The following LEFTY1 variants were observed in gnomAD, a reference collection of about 807,000 sequenced individuals.
LEFTY1 encodes left-right determination factor B.
LEFTY1 carries 18 observed loss-of-function variants against 22.6 expected under a neutral mutation model. That is an observed-to-expected ratio of 0.80 (90% CI 0.55 to 1.18). The LOEUF (loss-of-function observed/expected upper bound fraction) is 1.18. LEFTY1 is among the 50% of genes most tolerant of loss of function. The probability of loss-of-function intolerance (pLI) is 0.00; values close to 1 mark genes in which losing one functional copy is unlikely to be tolerated. For synonymous variants in LEFTY1, 201 were observed against 231.5 expected, an observed-to-expected ratio of 0.87 and a Z score of 1.20; for missense variants, 414 against 495.4, an observed-to-expected ratio of 0.84 and a Z score of 1.56.
Position 225,886,714 on chromosome 1 carries a change from C to T in LEFTY1, c.*13G>A, listed in dbSNP as rs746514621. 3 of 1,613,452 alleles carry T rather than the reference C, an allele frequency of 1.9e-6. No homozygotes were observed. The highest frequency in any genetic ancestry group is 2.5e-6 in the Non-Finnish European group (3 of 1,180,054). On this transcript the variant is annotated 3_prime_UTR_variant, in exon 4 of 4. Coordinates refer to ENST00000272134, the MANE Select transcript of LEFTY1 (RefSeq NM_020997.4). ...ACACACAAGTCAAGTCCCTCGATGG[C>T]TACACTAGGCGCCTATGGCTGGAGC...
intron 1 of LEFTY1, among the ~76,000 whole-genome samples, chr1:225,888,350 G>T (rs1420229061): frequency 4.0e-5 from 6 of 151,312 alleles, no homozygotes; most frequent in Non-Finnish European, 1.5e-5. Context: ...GCTGCAGGAG[G>T]ATTCAGGCCG....
rs754571502 is a variant in LEFTY1, at chr1:225,887,769, G to A, written c.497+17C>T. On this transcript the variant is annotated intron_variant, in intron 2 of 3. Coordinates refer to ENST00000272134, the MANE Select transcript of LEFTY1 (RefSeq NM_020997.4). Reference sequence around the variant, plus strand: ...GCAGCGCCCTCCCCCTACCCTGCGCGCCCCCGCGACCCCCACCTGGAGTCG... The same window carrying A: ...GCAGCGCCCTCCCCCTACCCTGCGCACCCCCGCGACCCCCACCTGGAGTCG... 6.5e-7 allele frequency: 1 copy of A among 1,546,156 alleles called. No individual in the cohort carries two copies. The highest frequency in any genetic ancestry group is 1.2e-5 in the South Asian group (1 of 84,986).
At chr1:225,887,220 C>A in intron 3 of LEFTY1, 130 bp from the exon 4 acceptor site, 1 of 1,468,282 alleles carries the variant, frequency 6.8e-7, no homozygotes, top group South Asian at 1.4e-5. Flanking sequence ...GGATGGACAG[C>A]TAGAAATAAC....
rs1413039343 is a variant in LEFTY1, at chr1:225,887,518, C to A, written c.618G>T (p.Glu206Asp). 8 of 1,611,704 alleles carry A rather than the reference C, an allele frequency of 5.0e-6. No individual in the cohort carries two copies. The highest frequency in any genetic ancestry group is 1.3e-5 in the African/African-American group (1 of 74,922). The change falls in exon 3 of 4, where the codon GAG becomes GAT. Residue 206 changes from glutamate (E) to aspartate (D), a missense_variant. By Grantham distance (45) the Glu-to-Asp change is conservative (BLOSUM62 2). This residue lies in a region of LEFTY1 where 398 missense variants were observed against 454.7 expected (regional missense o/e 0.88). Transcript: ENST00000272134. ...CGCCGGACGCCAGCGGGCCCAGATG[C>A]TCCCTCTGCACCGACACCTGTAGCA... Reference protein sequence around the residue: ...PLLLQVSVQREHLGPLASGAH... With the variant: ...PLLLQVSVQRDHLGPLASGAH...
Position 225,888,849 on chromosome 1 carries a change from G to T in LEFTY1, c.218C>A (p.Ser73Tyr). 1 of 1,613,326 alleles carries T rather than the reference G, an allele frequency of 6.2e-7. No individual in the cohort carries two copies. The highest frequency in any genetic ancestry group is 8.5e-7 in the Non-Finnish European group (1 of 1,179,816). ...ALLQRSHGDR[S>Y]RGKRFSQSFR... ...GCTCTGGCTGAACCTCTTTCCGCGGGAGCGGTCCCCGTGGCTGCGCTGCAG... is the reference window on the plus strand; with the variant it reads ...GCTCTGGCTGAACCTCTTTCCGCGGTAGCGGTCCCCGTGGCTGCGCTGCAG... Residue 73 changes from serine (S) to tyrosine (Y), a missense_variant, in exon 1 of 4, where the codon TCC (serine) becomes TAC (tyrosine). Around this residue, in one of 2 missense-constraint regions of LEFTY1, gnomAD observed 398 missense variants for 454.7 expected, o/e 0.88. Transcript: ENST00000272134.
In LEFTY1 at chr1:225,889,129, T is replaced by A; in HGVS notation, c.-63A>T. 1.4e-6 allele frequency: 2 copies of A among 1,415,952 alleles called. No homozygotes were observed. Among genetic ancestry groups the A allele is most frequent in the Non-Finnish European group, 9.2e-7 (1 of 1,088,126 alleles). The allele number at this position is 1,415,952 out of a possible 1,614,324, so 87.7% of individuals were successfully genotyped here. A position where few individuals can be genotyped will look rare whatever the true frequency, so the allele number is the denominator to read the frequency against. On this transcript the variant is annotated 5_prime_UTR_variant, in exon 1 of 4. Transcript: ENST00000272134. ...GTCCCTTGAGAAGGCTGCAGGAGGG[T>A]CTCAGGCAGCTGGATGTGCTGAGAG...
At chr1:225,887,711 C>A (rs1209739967) in intron 2 of LEFTY1, 73 bp from the exon 3 acceptor site, 18 of 674,058 alleles carry the variant, frequency 2.7e-5, no homozygotes, top group Non-Finnish European at 3.6e-5. Flanking sequence ...CCCCGCACCG[C>A]CCCCCCGCGT....
intron 1 of LEFTY1, among the ~76,000 whole-genome samples, chr1:225,888,254 C>T (rs915447645): frequency 6.6e-5 from 10 of 152,176 alleles, no homozygotes; most frequent in Non-Finnish European, 1.3e-4. Flanking sequence ...AAGTTTGCCT[C>T]AGCTGAGATG....
Position 225,887,928 on chromosome 1 carries a change from G to A in LEFTY1, c.355C>T (p.Arg119Trp), listed in dbSNP as rs769085321. ...PNSELVQAVL[R>W]LFQEPVPKAA... ...TTGGGGACCGGCTCCTGGAAGAGCCGCAGCACGGCCTGCACCAGCTCGCTG... is the reference window on the plus strand; with the variant it reads ...TTGGGGACCGGCTCCTGGAAGAGCCACAGCACGGCCTGCACCAGCTCGCTG... The change falls in exon 2 of 4, where the codon CGG becomes TGG. Residue 119 changes from arginine to tryptophan, a missense_variant. Arg to Trp is a moderately radical substitution (Grantham distance 101). Coordinates refer to ENST00000272134, the MANE Select transcript of LEFTY1 (RefSeq NM_020997.4). The A allele has an allele frequency of 1.9e-6, 3 of 1,548,582 alleles. No homozygotes were observed. Among genetic ancestry groups the A allele is most frequent in the South Asian group, 2.3e-5 (2 of 85,520 alleles).
At chr1:225,887,326 GT>G in intron 3 of LEFTY1, 72 bp downstream of exon 3, 1 of 1,599,524 alleles carries the variant, frequency 6.3e-7, no homozygotes, top group Non-Finnish European at 8.5e-7. Flanking sequence ...ACTCTGAAAA[GT>G]TGTCCATTTC....
In LEFTY1 at chr1:225,888,833, G is replaced by A. The variant is rs1559060327; in HGVS notation, c.234C>T (p.Phe78=). ...GGGCCTCACCTCGGAAGCTCTGGCT[G>A]AACCTCTTTCCGCGGGAGCGGTCCC... ...SHGDRSRGKR[F]SQSFREVAGR... The change falls in exon 1 of 4, where the codon TTC becomes TTT. Residue 78 remains phenylalanine, a synonymous_variant. Transcript: ENST00000272134. The A allele has an allele frequency of 6.2e-7, 1 of 1,613,274 alleles. No individual in the cohort carries two copies. The highest frequency in any genetic ancestry group is 8.5e-7 in the Non-Finnish European group (1 of 1,179,780).
At chr1:225,887,366 T>A (rs1173208549) in intron 3 of LEFTY1, 33 bp downstream of exon 3, 3 of 1,611,476 alleles carry the variant, frequency 1.9e-6, no homozygotes, top group Admixed American at 3.4e-5. Flanking sequence ...TGTCTCTTTA[T>A]TCCGGCTTAC....
Position 225,887,805 on chromosome 1 carries a change from T to C in LEFTY1, c.478A>G (p.Thr160Ala). ...LRVRDDGSNR[T>A]SLIDSRLVSV... ...CCCCACCTGGAGTCGATGAGGGAGG[T>C]GCGGTTGGAGCCGTCGTCGCGGACG... is the stretch of plus-strand genomic sequence containing the variant. Residue 160 changes from threonine (T) to alanine (A), a missense_variant, in exon 2 of 4, where the codon ACC (threonine) becomes GCC (alanine). By Grantham distance (58) the Thr-to-Ala change is moderately conservative. Transcript: ENST00000272134. 1 of 1,541,936 alleles carries C rather than the reference T, an allele frequency of 6.5e-7. No homozygotes were observed. Among genetic ancestry groups the C allele is most frequent in the Non-Finnish European group, 8.7e-7 (1 of 1,149,462 alleles).
intron 3 of LEFTY1, 27 bp downstream of exon 3, chr1:225,887,372 C>G: frequency 6.2e-7 from 1 of 1,612,584 alleles, no homozygotes; most frequent in Non-Finnish European, 8.5e-7. Flanking sequence ...TTTATTCCGG[C>G]TTACCAGTTT....
intron 3 of LEFTY1, 111 bp downstream of exon 3, chr1:225,887,288 T>C (rs1165530704): frequency 1.7e-5 from 26 of 1,555,054 alleles, no homozygotes; most frequent in Non-Finnish European, 2.1e-5. Context: ...GGAAGAATTG[T>C]ATACATTGTC....
At chr1:225,887,719 C>T (rs1321089166) in intron 2 of LEFTY1, 67 bp downstream of exon 2, 1 of 1,581,570 alleles carries the variant, frequency 6.3e-7, no homozygotes, top group Non-Finnish European at 8.6e-7. Flanking sequence ...CGCCCCCCCG[C>T]GTCCCCGCCC....
At chr1:225,888,068 G>T in intron 1 of LEFTY1, 36 bp from the exon 2 acceptor site, 1 of 1,588,124 alleles carries the variant, frequency 6.3e-7, no homozygotes. Flanking sequence ...GGCCTCCCCC[G>T]ACTCCAGGGG....
intron 1 of LEFTY1, among the ~76,000 whole-genome samples, chr1:225,888,470 A>T (rs1671333022): frequency 2.0e-5 from 3 of 152,218 alleles, no homozygotes; most frequent in African/African-American, 4.8e-5. Flanking sequence ...ATTTACAATG[A>T]CTCATTTTGA....
In LEFTY1 at chr1:225,888,980, G is replaced by C. The variant is rs1671343476; in HGVS notation, c.87C>G (p.Gly29=). ...TGAGCTGCAGCTGCCGCAGCAGGCTGCCCAGGAGCTGCTCCCCGGTCAGGG... is the reference window on the plus strand; with the variant it reads ...TGAGCTGCAGCTGCCGCAGCAGGCTCCCCAGGAGCTGCTCCCCGGTCAGGG... ...GAALTGEQLL[G]SLLRQLQLKE... is the part of the protein sequence containing the mutation. The change falls in exon 1 of 4, where the codon GGC becomes GGG. Residue 29 remains glycine, a synonymous_variant. Coordinates refer to ENST00000272134, the MANE Select transcript of LEFTY1 (RefSeq NM_020997.4). The C allele has an allele frequency of 6.3e-7, 1 of 1,591,852 alleles. No homozygotes were observed. The highest frequency in any genetic ancestry group is 8.6e-7 in the Non-Finnish European group (1 of 1,169,048).
Sources: allele counts gnomAD v4.1 joint callset (sites outside exome capture counted in the v4.1 genomes callset), GRCh38; gene constraint gnomAD v4.1.1; regional missense constraint gnomAD v4.1.1; transcripts MANE v1.5; gene names NCBI Gene and HGNC (gene_info 2026-07-23, HGNC 2026-07-21).